Variants in KIF6 observed in about 807,000 individuals in gnomAD.
The protein encoded by KIF6 is kinesin-like protein KIF6.
Under a neutral mutation model 112.7 loss-of-function variants are expected in KIF6, and 106 were observed. The observed-to-expected ratio is 0.94, with a 90% CI of 0.80 to 1.11. KIF6 has a LOEUF of 1.11. Ranked by LOEUF, KIF6 falls within the 50% of genes least tolerant of loss-of-function variation. The pLI is 0.00. For missense variants in KIF6, 929 were observed against 964.0 expected, an observed-to-expected ratio of 0.96 and a Z score of 0.48; for synonymous variants, 339 against 339.9, an observed-to-expected ratio of 1.00 and a Z score of 0.03.
chr6:39,501,692 G>A (rs547772501), intron 13 of KIF6, among the ~76,000 whole-genome samples: 4 of 152,262 alleles, frequency 2.6e-5, no homozygotes, highest in Admixed American at 6.5e-5. Flanking sequence ...GCAATCACAA[G>A]TATTAATAGC....
chr6:39,454,497 C>T (rs1487060990), intron 13 of KIF6, among the ~76,000 whole-genome samples: 1 of 142,900 alleles, frequency 7.0e-6, no homozygotes, highest in East Asian at 2.0e-4. Flanking sequence ...AAACGAAACT[C>T]TTTCCTTAGA....
intron 13 of KIF6, among the ~76,000 whole-genome samples, chr6:39,522,744 GCT>G (rs1454302968): frequency 6.6e-6 from 1 of 152,168 alleles, no homozygotes; most frequent in Non-Finnish European, 1.5e-5. Flanking sequence ...CTGAGATCTT[GCT>G]CTCTTGCCCA....
chr6:39,333,636 T>A lies in KIF6; in HGVS notation c.*2896A>T, dbSNP rs1455085120. 2.6e-5 allele frequency: 4 copies of A among 152,250 alleles called. No homozygotes were observed. Among genetic ancestry groups the A allele is most frequent in the Admixed American group, 2.6e-4 (4 of 15,282 alleles). The allele number at this position is 152,250 out of a possible 1,614,324, so 9.4% of individuals were successfully genotyped here. On this transcript the variant is annotated 3_prime_UTR_variant, in exon 23 of 23. Coordinates refer to ENST00000287152, the MANE Select transcript of KIF6 (RefSeq NM_145027.6). ...CCATGACAAAGCTTTGGATGTGTAA[T>A]TCTATACTGGTGGTGAAGAATTAAA...
intron 13 of KIF6, among the ~76,000 whole-genome samples, chr6:39,533,514 T>C (rs1478012267): frequency 6.6e-6 from 1 of 152,144 alleles, no homozygotes; most frequent in African/African-American, 2.4e-5. Flanking sequence ...CCGGGAAGCT[T>C]GAACTGGGTG....
chr6:39,693,215 A>G (rs111394390), intron 3 of KIF6, among the ~76,000 whole-genome samples: 12,166 of 152,316 alleles, frequency 0.08, 517 homozygotes, highest in Middle Eastern at 0.11. Flanking sequence ...CCACAGTAGC[A>G]CAAATCCAGA....
intron 13 of KIF6, among the ~76,000 whole-genome samples, chr6:39,470,426 T>A (rs893432089): frequency 4.6e-5 from 7 of 152,110 alleles, no homozygotes; most frequent in Non-Finnish European, 1.0e-4. Context: ...TTTGGACTGG[T>A]CATAGCAGAA....
intron 13 of KIF6, among the ~76,000 whole-genome samples, chr6:39,481,131 C>A (rs892380630): frequency 6.6e-6 from 1 of 152,020 alleles, no homozygotes. Flanking sequence ...GTATAGCATG[C>A]TATCTTTTTT....
chr6:39,689,050 C>T (rs555986169), intron 3 of KIF6, among the ~76,000 whole-genome samples: 2 of 151,988 alleles, frequency 1.3e-5, no homozygotes, highest in African/African-American at 2.4e-5. Flanking sequence ...CCCAGGAGTT[C>T]GAGGCTGCAG....
chr6:39,488,619 G>A (rs1027619303), intron 13 of KIF6, among the ~76,000 whole-genome samples: 1 of 151,988 alleles, frequency 6.6e-6, no homozygotes, highest in African/African-American at 2.4e-5. Context: ...ATTTATCTTT[G>A]ACTCCCTAGG....
At chr6:39,481,404 TA>T (rs1185660943) in intron 13 of KIF6, among the ~76,000 whole-genome samples, 2 of 152,246 alleles carry the variant, frequency 1.3e-5, no homozygotes, top group Non-Finnish European at 2.9e-5. Context: ...AAAGATTTTA[TA>T]GGAAAGATAT....
intron 13 of KIF6, among the ~76,000 whole-genome samples, chr6:39,476,717 C>T (rs114942774): frequency 5.3e-4 from 80 of 152,322 alleles, no homozygotes; most frequent in Non-Finnish European, 9.0e-4. Flanking sequence ...TTCTTCTTTT[C>T]CCAGTCCCTC....
Position 39,345,738 on chromosome 6 carries a change from G to A in KIF6, c.2283C>T (p.Ser761=). Residue 761 remains serine (S), a synonymous_variant, in exon 21 of 23, where the codon AGC becomes AGT. Coordinates refer to ENST00000287152, the MANE Select transcript of KIF6 (RefSeq NM_145027.6). Reference sequence around the variant, plus strand: ...GGGTGCTGGTGCTGCTCTGTTTCTGGCTGTGTGGACTGGGGCAAGGCGAGG... The same window carrying A: ...GGGTGCTGGTGCTGCTCTGTTTCTGACTGTGTGGACTGGGGCAAGGCGAGG... ...ILPSPCPSPH[S]QKQSSTSTPL... 1 of 1,613,980 alleles carries A rather than the reference G, an allele frequency of 6.2e-7. No homozygotes were observed. Among genetic ancestry groups the A allele is most frequent in the Non-Finnish European group, 8.5e-7 (1 of 1,179,976 alleles).
chr6:39,717,194 C>T (rs1022503374), intron 2 of KIF6, among the ~76,000 whole-genome samples: 3 of 151,882 alleles, frequency 2.0e-5, no homozygotes, highest in Admixed American at 1.3e-4. Context: ...CAAGTCCTCA[C>T]AATGACTTAT....
chr6:39,724,450 C>A (rs1158352811), intron 1 of KIF6, among the ~76,000 whole-genome samples: 9 of 48,956 alleles, frequency 1.8e-4, no homozygotes, highest in African/African-American at 6.7e-5. Flanking sequence ...GAGACTCCGT[C>A]TCAAAAAAAA....
chr6:39,398,202 C>T (rs9471089), intron 15 of KIF6, among the ~76,000 whole-genome samples: 5,436 of 152,200 alleles, frequency 0.036, 211 homozygotes, highest in East Asian at 0.22. Context: ...CACATAAAGG[C>T]GTAATCCTTA....
intron 10 of KIF6, among the ~76,000 whole-genome samples, chr6:39,558,415 C>T (rs1478106079): frequency 1.3e-5 from 2 of 152,056 alleles, no homozygotes; most frequent in Non-Finnish European, 1.5e-5. Flanking sequence ...AGTGGTAGAA[C>T]CCATATAAAA....
intron 5 of KIF6, among the ~76,000 whole-genome samples, chr6:39,618,166 T>C (rs572424069): frequency 1.2e-4 from 18 of 152,340 alleles, no homozygotes; most frequent in African/African-American, 4.1e-4. Flanking sequence ...ACCTGCAATA[T>C]ATTTTTGTGT....
intron 15 of KIF6, among the ~76,000 whole-genome samples, chr6:39,412,714 C>T (rs928244353): frequency 2.0e-5 from 3 of 152,132 alleles, no homozygotes; most frequent in Non-Finnish European, 4.4e-5. Flanking sequence ...TAAAATTTTG[C>T]ACCACCAAGT....
In KIF6 at chr6:39,360,466, T is replaced by C. The variant is rs368687338; in HGVS notation, c.2011A>G (p.Met671Val). 15 of 1,613,622 alleles carry C rather than the reference T, an allele frequency of 9.3e-6. No homozygotes were observed. In the East Asian group the frequency reaches 2.5e-4, roughly 26 times the overall value. ...KVEIEHLQLLMDKAKVKLQKE... is the reference protein window; with the variant it reads ...KVEIEHLQLLVDKAKVKLQKE... Reference sequence around the variant, plus strand: ...TGTAGCTTCACCTTGGCTTTGTCCATGAGCAGCTGCAAGTGCTCGATCTCC... The same window carrying C: ...TGTAGCTTCACCTTGGCTTTGTCCACGAGCAGCTGCAAGTGCTCGATCTCC... Residue 671 changes from methionine (M) to valine (V), a missense_variant, in exon 18 of 23, where the codon ATG (methionine) becomes GTG (valine). Physicochemically the swap from Met to Val is conservative, Grantham distance 21. Around this residue, in one of 2 missense-constraint regions of KIF6, gnomAD observed 241 missense variants for 301.4 expected, o/e 0.80. Coordinates refer to ENST00000287152, the MANE Select transcript of KIF6 (RefSeq NM_145027.6).
Sources: gnomAD v4.1 joint callset for allele counts (sites outside exome capture counted in the v4.1 genomes callset) on GRCh38, gnomAD v4.1.1 for gene constraint, gnomAD v4.1.1 regional missense constraint, MANE v1.5 for transcripts, NCBI Gene and HGNC (gene_info 2026-07-23, HGNC 2026-07-21) for gene names.